CDH18: variants seen among roughly 807,000 people sequenced by gnomAD.
CDH18 encodes the protein cadherin-18.
Under a neutral mutation model 67.9 loss-of-function variants are expected in CDH18, and 31 were observed. That is an observed-to-expected ratio of 0.46 (90% confidence interval 0.34 to 0.62). The LOEUF (loss-of-function observed/expected upper bound fraction) is 0.62. CDH18 is among the 20% of genes least tolerant of loss of function. The pLI, the probability that CDH18 is intolerant of heterozygous loss-of-function variation, is 0.01. For missense variants in CDH18, 890 were observed against 975.5 expected, an observed-to-expected ratio of 0.91 and a Z score of 1.17; for synonymous variants, 362 against 347.2, an observed-to-expected ratio of 1.04 and a Z score of -0.48.
At chr5:20,092,327 T>G (rs572024419) in intron 2 of CDH18, among the ~76,000 whole-genome samples, 1 of 152,266 alleles carries the variant, frequency 6.6e-6, no homozygotes, top group African/African-American at 2.4e-5. Flanking sequence ...TTTTAAAGAC[T>G]TTGGAGTTTG....
intron 1 of CDH18, among the ~76,000 whole-genome samples, chr5:20,322,243 A>T (rs780493323): frequency 6.6e-6 from 1 of 152,160 alleles, no homozygotes; most frequent in African/African-American, 2.4e-5. Flanking sequence ...AGTCAATAAG[A>T]GCAGACTAAG....
intron 2 of CDH18, among the ~76,000 whole-genome samples, chr5:19,974,098 G>T (rs984140299): frequency 6.6e-6 from 1 of 152,032 alleles, no homozygotes; most frequent in Non-Finnish European, 1.5e-5. Context: ...AATATTTTAG[G>T]GTTAGAACAT....
intron 3 of CDH18, among the ~76,000 whole-genome samples, chr5:19,794,769 A>G (rs2149825568): frequency 6.6e-6 from 1 of 152,298 alleles, no homozygotes; most frequent in Non-Finnish European, 1.5e-5. Context: ...ACTGTTAAAT[A>G]TGATAATTCA....
intron 2 of CDH18, among the ~76,000 whole-genome samples, chr5:20,143,213 C>T (rs184108471): frequency 1.5e-3 from 221 of 151,888 alleles, no homozygotes; most frequent in African/African-American, 5.0e-3. Flanking sequence ...AAGGGGATTC[C>T]GATGAAGTCT....
chr5:20,473,057 C>A (rs114185001), intron 1 of CDH18, among the ~76,000 whole-genome samples: 2,111 of 152,094 alleles, frequency 0.014, 57 homozygotes, highest in African/African-American at 0.048. Context: ...TACAGTTTTA[C>A]AGTAAGGAAT....
intron 1 of CDH18, among the ~76,000 whole-genome samples, chr5:20,473,601 G>T (rs891287583): frequency 6.6e-5 from 10 of 151,590 alleles, no homozygotes; most frequent in Admixed American, 5.3e-4. Flanking sequence ...TTATTTTCTT[G>T]GGATAAGTAT....
intron 1 of CDH18, among the ~76,000 whole-genome samples, chr5:20,336,990 G>A (rs1423584957): frequency 6.6e-6 from 1 of 152,114 alleles, no homozygotes; most frequent in African/African-American, 2.4e-5. Context: ...ACACCCCTAG[G>A]AGGGAAATTT....
rs751283829 is a variant in CDH18 at position 19,543,903 on chromosome 5, T to C, written c.1356A>G (p.Pro452=). 8 of 1,590,904 alleles carry C rather than the reference T, an allele frequency of 5.0e-6. No homozygotes were observed. The East Asian group carries it at 6.7e-5, about 13-fold the overall frequency. ...AAGCAGTGACTGTGATGTTGTACCA[T>C]GGAGTTTCTTCTCTGTCGAGAACCT... ...TTKVLDREET[P]WYNITVTASE... Residue 452 remains proline, a synonymous_variant, in exon 9 of 13, where the codon CCA becomes CCG. Transcript: ENST00000382275.
chr5:19,872,950 A>G (rs77181398), intron 2 of CDH18, among the ~76,000 whole-genome samples: 1,942 of 152,238 alleles, frequency 0.013, 35 homozygotes, highest in African/African-American at 0.044. Flanking sequence ...AGATAATTAG[A>G]TAAGTGCAAA....
At chr5:20,351,603 G>A (rs2150058010) in intron 1 of CDH18, among the ~76,000 whole-genome samples, 1 of 136,696 alleles carries the variant, frequency 7.3e-6, no homozygotes, top group East Asian at 2.0e-4. Flanking sequence ...TTTTTTTTTG[G>A]ACCAGCTGAT....
chr5:20,300,292 T>TTG (rs796151202), intron 1 of CDH18, among the ~76,000 whole-genome samples: 3 of 106,742 alleles, frequency 2.8e-5, no homozygotes, highest in South Asian at 4.4e-4. Context: ...ATAGATTAAG[T>TTG]TGTGTGTGTG....
At chr5:19,729,805 T>C (rs1378639301) in intron 4 of CDH18, among the ~76,000 whole-genome samples, 1 of 152,184 alleles carries the variant, frequency 6.6e-6, no homozygotes, top group Non-Finnish European at 1.5e-5. Flanking sequence ...TTATGTATCT[T>C]ACAAGTATAT....
intron 4 of CDH18, among the ~76,000 whole-genome samples, chr5:19,722,421 T>G (rs142918791): frequency 1.3e-5 from 2 of 151,592 alleles, no homozygotes; most frequent in East Asian, 1.9e-4. Flanking sequence ...TCGCACTGGA[T>G]TTTTTAAAAT....
At chr5:20,484,136 T>C (rs1033354296) in intron 1 of CDH18, among the ~76,000 whole-genome samples, 11 of 152,020 alleles carry the variant, frequency 7.2e-5, no homozygotes, top group African/African-American at 2.7e-4. Flanking sequence ...TAGAAATTTC[T>C]CAAAAGAAGA....
chr5:20,531,328 T>C (rs1400517505), intron 1 of CDH18, among the ~76,000 whole-genome samples: 1 of 152,136 alleles, frequency 6.6e-6, no homozygotes, highest in Non-Finnish European at 1.5e-5. Flanking sequence ...GAAGACATTA[T>C]GGCAATTCTG....
At chr5:19,590,526 A>G (rs896470760) in intron 7 of CDH18, among the ~76,000 whole-genome samples, 1 of 152,118 alleles carries the variant, frequency 6.6e-6, no homozygotes, top group African/African-American at 2.4e-5. Flanking sequence ...AGACAGATAG[A>G]TAGATAGATA....
chr5:19,967,726 C>G (rs901763753), intron 2 of CDH18, among the ~76,000 whole-genome samples: 2 of 152,040 alleles, frequency 1.3e-5, no homozygotes, highest in African/African-American at 4.8e-5. Context: ...AAACCCACAG[C>G]CAATATCATA....
chr5:20,546,748 T>TACACACACACACACAC (rs72287076), intron 1 of CDH18, among the ~76,000 whole-genome samples: 3,807 of 141,434 alleles, frequency 0.027, 134 homozygotes, highest in African/African-American at 0.091. Flanking sequence ...CATACATACA[T>TACACACACACACACAC]AGACACACAC....
In CDH18 at chr5:20,453,856, A is replaced by C. The variant is rs548269866; in HGVS notation, c.-580+121606T>G. On this transcript the variant is annotated intron_variant, in intron 1 of 14. Coordinates refer to the CDH18 transcript ENST00000507958. ...ACAGTCCTGCTTCCATAGCAATTGG[A>C]AAGATTTAATCAGAAAATATTTGTA... Among the ~76,000 whole-genome samples, 5 of 152,254 alleles carry C rather than the reference A, an allele frequency of 3.3e-5. No individual in the cohort carries two copies. The South Asian group carries it at 1.0e-3, about 31-fold the overall frequency.
Sources: allele counts gnomAD v4.1 joint callset (sites outside exome capture counted in the v4.1 genomes callset), GRCh38; gene constraint gnomAD v4.1.1; transcripts MANE v1.5; gene names NCBI Gene and HGNC (gene_info 2026-07-23, HGNC 2026-07-21).